STT3B: variants seen among roughly 807,000 people sequenced by gnomAD.
STT3B encodes STT3 oligosaccharyltransferase complex catalytic subunit B, also known as dolichyl-diphosphooligosaccharide--protein glycosyltransferase subunit STT3B.
A neutral mutation model predicts 96.8 loss-of-function variants in STT3B; 29 were observed. That is an observed-to-expected ratio of 0.30 (90% CI 0.22 to 0.41). The LOEUF is 0.41. STT3B is among the 10% of genes least tolerant of loss of function. The probability of loss-of-function intolerance (pLI) is 1.00; values close to 1 mark genes in which losing one functional copy is unlikely to be tolerated. For missense variants in STT3B, 640 were observed against 1,022.3 expected, an observed-to-expected ratio of 0.63 and a Z score of 5.10; for synonymous variants, 367 against 360.0, an observed-to-expected ratio of 1.02 and a Z score of -0.22.
chr3:31,607,326 T>C (rs1010681673), intron 5 of STT3B, among the ~76,000 whole-genome samples: 3 of 152,114 alleles, frequency 2.0e-5, no homozygotes, highest in Non-Finnish European at 4.4e-5. Context: ...GAATGTATGG[T>C]TTGGCTGTGT....
chr3:31,603,025 T>C (rs867376696), intron 5 of STT3B, among the ~76,000 whole-genome samples: 1 of 152,140 alleles, frequency 6.6e-6, no homozygotes, highest in African/African-American at 2.4e-5. Flanking sequence ...GTAAAGTGTT[T>C]GTATATAAAG....
intron 2 of STT3B, among the ~76,000 whole-genome samples, chr3:31,578,800 C>T (rs1031611761): frequency 6.6e-6 from 1 of 151,340 alleles, no homozygotes; most frequent in African/African-American, 2.4e-5. Flanking sequence ...TTCTTGTGAG[C>T]GTAGGCAGTT....
intron 1 of STT3B, among the ~76,000 whole-genome samples, chr3:31,540,778 A>G (rs1697247834): frequency 6.6e-6 from 1 of 152,172 alleles, no homozygotes; most frequent in Non-Finnish European, 1.5e-5. Context: ...TGATTTTTCA[A>G]AATTCTAGTA....
At chr3:31,551,663 T>C (rs1559361893) in intron 1 of STT3B, among the ~76,000 whole-genome samples, 1 of 152,236 alleles carries the variant, frequency 6.6e-6, no homozygotes, top group Non-Finnish European at 1.5e-5. Context: ...CAAACTGTTA[T>C]AGGTGGCTTT....
At chr3:31,634,925 G>A (rs1212734038) in intron 15 of STT3B, among the ~76,000 whole-genome samples, 4 of 152,048 alleles carry the variant, frequency 2.6e-5, no homozygotes, top group African/African-American at 9.7e-5. Flanking sequence ...TTAACAATAA[G>A]GTAATATAAT....
chr3:31,548,636 G>A (rs1697474565), intron 1 of STT3B, among the ~76,000 whole-genome samples: 1 of 152,054 alleles, frequency 6.6e-6, no homozygotes, highest in South Asian at 2.1e-4. Flanking sequence ...GTCTCTAAAG[G>A]TAGGAGAAAA....
chr3:31,634,036 T>C lies in STT3B; in HGVS notation c.2400+889T>C, dbSNP rs144329018. Among the ~76,000 whole-genome samples the C allele has an allele frequency of 1.2e-3, 186 of 152,318 alleles. 2 individuals carry two copies. Among genetic ancestry groups the C allele is most frequent in the Middle Eastern group, 6.8e-3 (2 of 294 alleles). On this transcript the variant is annotated intron_variant, in intron 15 of 15. Coordinates refer to ENST00000295770, the MANE Select transcript of STT3B (RefSeq NM_178862.3). ...ATACAGATGATTTTAATTTGTACTA[T>C]AAAAGTGCTGAATATTAACGGTGTG...
intron 1 of STT3B, among the ~76,000 whole-genome samples, chr3:31,565,992 A>G (rs939082522): frequency 1.3e-5 from 2 of 152,236 alleles, no homozygotes; most frequent in South Asian, 4.1e-4. Flanking sequence ...ATCTATAGAT[A>G]CGCATGCCAT....
At chr3:31,618,593 C>G (rs1233075229) in intron 8 of STT3B, among the ~76,000 whole-genome samples, 1 of 151,824 alleles carries the variant, frequency 6.6e-6, no homozygotes, top group Non-Finnish European at 1.5e-5. Context: ...TATGCCCCTC[C>G]TCTGTTCCTG....
chr3:31,605,127 C>T (rs1218955003), intron 5 of STT3B, among the ~76,000 whole-genome samples: 2 of 151,920 alleles, frequency 1.3e-5, no homozygotes, highest in Non-Finnish European at 2.9e-5. Context: ...CAAAAGAGTT[C>T]AAGAGGCTAA....
At chr3:31,625,907 A>G (rs781763093) in intron 12 of STT3B, 47 bp from the exon 13 acceptor site, 2 of 1,474,110 alleles carry the variant, frequency 1.4e-6, no homozygotes, top group African/African-American at 1.4e-5. Context: ...ATTTTTATGA[A>G]TGTGGGAATA....
In STT3B at chr3:31,599,070, A is replaced by T. The variant is rs1234916637; in HGVS notation, c.778-1290A>T. Among the ~76,000 whole-genome samples the T allele has an allele frequency of 6.6e-5, 10 of 152,206 alleles. No individual in the cohort carries two copies. In the East Asian group the frequency reaches 1.9e-3, roughly 29 times the overall value. ...GTGATCCGCCTGCCTCGGCCTCCCAAAGTGCTGGGATTACAGGCGTGAGCC... is the reference window on the plus strand; with the variant it reads ...GTGATCCGCCTGCCTCGGCCTCCCATAGTGCTGGGATTACAGGCGTGAGCC... On this transcript the variant is annotated intron_variant, in intron 4 of 15. Coordinates refer to ENST00000295770, the MANE Select transcript of STT3B (RefSeq NM_178862.3).
At chr3:31,591,770 C>T (rs1303661151) in intron 3 of STT3B, among the ~76,000 whole-genome samples, 2 of 152,072 alleles carry the variant, frequency 1.3e-5, no homozygotes, top group African/African-American at 4.8e-5. Context: ...AGAAAACAAT[C>T]AAGAGAGTCT....
intron 13 of STT3B, 191 bp from the exon 14 acceptor site, chr3:31,629,107 A>G (rs1024694057): frequency 2.0e-5 from 10 of 496,578 alleles, no homozygotes; most frequent in African/African-American, 1.0e-4. Context: ...CATTGTCTCA[A>G]AAATAATAAT....
chr3:31,625,734 T>TA (rs1283587453), intron 12 of STT3B, among the ~76,000 whole-genome samples: 1 of 152,202 alleles, frequency 6.6e-6, no homozygotes, highest in Non-Finnish European at 1.5e-5. Context: ...AGCAAAATAT[T>TA]AGAGCATGTA....
chr3:31,622,561 T>G (rs1025368673), intron 10 of STT3B, among the ~76,000 whole-genome samples: 1 of 152,194 alleles, frequency 6.6e-6, no homozygotes, highest in Non-Finnish European at 1.5e-5. Context: ...ACTTAAGATA[T>G]ATACCCTTGT....
At chr3:31,600,311 T>A (rs757448349) in intron 4 of STT3B, 49 bp from the exon 5 acceptor site, 1 of 845,176 alleles carries the variant, frequency 1.2e-6, no homozygotes, top group Admixed American at 2.3e-5. Flanking sequence ...AATATACTTA[T>A]TTTAAAAAGT....
chr3:31,618,649 T>C (rs940467460), intron 8 of STT3B, among the ~76,000 whole-genome samples: 26 of 152,034 alleles, frequency 1.7e-4, no homozygotes, highest in Middle Eastern at 3.2e-3. Flanking sequence ...AAAAACAATT[T>C]ATTGAACAGA....
At chr3:31,596,749 A>C in intron 3 of STT3B, 49 bp from the exon 4 acceptor site, 3 of 1,442,356 alleles carry the variant, frequency 2.1e-6, no homozygotes, top group Non-Finnish European at 2.9e-6. Flanking sequence ...AAAATTCCGC[A>C]AGAACATTTG....
Sources: gnomAD v4.1 joint callset for allele counts (sites outside exome capture counted in the v4.1 genomes callset) on GRCh38, gnomAD v4.1.1 for gene constraint, MANE v1.5 for transcripts, NCBI Gene and HGNC (gene_info 2026-07-23, HGNC 2026-07-21) for gene names.